Variants in WDFY3 observed in about 807,000 individuals in gnomAD.
The protein encoded by WDFY3 is WD repeat and FYVE domain containing 3.
WDFY3 carries 66 observed loss-of-function variants against 409.6 expected under a neutral mutation model. That is an observed-to-expected ratio of 0.16 (90% CI 0.13 to 0.20). The LOEUF (loss-of-function observed/expected upper bound fraction) is 0.20, where lower values mean the gene tolerates loss of function less well. Ranked by LOEUF, WDFY3 falls within the 10% of genes least tolerant of loss-of-function variation. The pLI is 1.00. For missense variants in WDFY3, 3,031 were observed against 4,298.1 expected (o/e 0.71, Z 8.24); for synonymous variants, 1,521 against 1,537.1 (o/e 0.99, Z 0.25).
At chr4:84,861,118 G>C (rs1369945102) in intron 3 of WDFY3, among the ~76,000 whole-genome samples, 3 of 152,044 alleles carry the variant, frequency 2.0e-5, no homozygotes, top group African/African-American at 7.2e-5. Flanking sequence ...GGCTGAGGTG[G>C]GAAGATAACT....
At chr4:84,715,109 A>G (rs930635879) in intron 50 of WDFY3, among the ~76,000 whole-genome samples, 189 bp downstream of exon 50, 2 of 152,174 alleles carry the variant, frequency 1.3e-5, no homozygotes, top group Admixed American at 1.3e-4. Context: ...GTATGTCACA[A>G]TAGAATTGCA....
At chr4:84,715,963 G>A (rs1733823638) in intron 49 of WDFY3, among the ~76,000 whole-genome samples, 1 of 151,300 alleles carries the variant, frequency 6.6e-6, no homozygotes, top group Non-Finnish European at 1.5e-5. Flanking sequence ...ATTATAGTAA[G>A]GATGTAATTT....
chr4:84,868,234 CT>C (rs1433967827), intron 3 of WDFY3, among the ~76,000 whole-genome samples: 4 of 133,572 alleles, frequency 3.0e-5, no homozygotes, highest in African/African-American at 8.1e-5. Flanking sequence ...TGAGGTTTTC[CT>C]TTTTCTTTCT....
intron 13 of WDFY3, among the ~76,000 whole-genome samples, chr4:84,815,590 T>G (rs1265232996): frequency 6.6e-6 from 1 of 152,186 alleles, no homozygotes; most frequent in East Asian, 1.9e-4. Flanking sequence ...ATCTCCTTTT[T>G]CTAAGAGTTT....
rs761112777 is a variant in WDFY3, at chr4:84,705,485, C to T, written c.8244G>A (p.Thr2748=). 19 of 1,613,816 alleles carry T rather than the reference C, an allele frequency of 1.2e-5. No individual in the cohort carries two copies. The highest frequency in any genetic ancestry group is 4.0e-5 in the African/African-American group (3 of 74,918). ...CCATTGGCTTAGCCAGGTTTCTAAA[C>T]GTCTTGGGATTAGTAAGATCCACCT... The part of the protein sequence containing the change: ...SEEVDLTNPK[T]FRNLAKPMGA... The change falls in exon 54 of 68, where the codon ACG becomes ACA. Residue 2748 remains threonine, a synonymous_variant. Coordinates refer to ENST00000295888, the MANE Select transcript of WDFY3 (RefSeq NM_014991.6).
chr4:84,878,824 T>G (rs1763114823), intron 3 of WDFY3, among the ~76,000 whole-genome samples: 1 of 152,160 alleles, frequency 6.6e-6, no homozygotes, highest in South Asian at 2.1e-4. Context: ...AAATGTCAAA[T>G]CCATTTAAAA....
intron 1 of WDFY3, chr4:84,965,840 C>G (rs528434597): frequency 6.6e-6 from 1 of 152,598 alleles, no homozygotes; most frequent in South Asian, 2.1e-4. Context: ...GCCGCCTACG[C>G]CCCCACTGCT....
intron 4 of WDFY3, among the ~76,000 whole-genome samples, chr4:84,857,337 T>C (rs952490160): frequency 6.6e-6 from 1 of 152,192 alleles, no homozygotes; most frequent in African/African-American, 2.4e-5. Context: ...ATTCTTCTAG[T>C]CTAGTAGACT....
rs1480261817 is a variant in WDFY3, at chr4:84,798,050, T to C, written c.2881A>G (p.Lys961Glu). 6.2e-6 allele frequency: 10 copies of C among 1,613,596 alleles called. No individual in the cohort carries two copies. The East Asian group carries it at 6.7e-5, about 11-fold the overall frequency. ...CTTGGTTTGTGGACCCTATATTGTT[T>C]TAGCAGTTTTTTGTCCCAGGCACCA... ...NCGAWDKKLL[K>E]QYRVHKPSSL... Residue 961 changes from lysine to glutamate, a missense_variant, in exon 18 of 68, where the codon AAA (lysine) becomes GAA (glutamate). By Grantham distance (56) the Lys-to-Glu change is moderately conservative. This residue lies in a region of WDFY3 where 1,322 missense variants were observed against 1,697.9 expected (regional missense o/e 0.78). Coordinates refer to ENST00000295888, the MANE Select transcript of WDFY3 (RefSeq NM_014991.6).
At chr4:84,752,195 C>G (rs114836573) in intron 35 of WDFY3, among the ~76,000 whole-genome samples, 2,443 of 151,854 alleles carry the variant, frequency 0.016, 33 homozygotes, top group Non-Finnish European at 0.027. Flanking sequence ...AACCAAGTGA[C>G]AGAGCGAGAC....
rs933264059 is a variant in WDFY3 at position 84,672,726 on chromosome 4, T to A, written c.*142A>T. 4 of 1,209,502 alleles carry A rather than the reference T, an allele frequency of 3.3e-6. No individual in the cohort carries two copies. In the East Asian group the frequency reaches 9.5e-5, roughly 29 times the overall value. The allele number at this position is 1,209,502 out of a possible 1,614,324, so 74.9% of individuals were successfully genotyped here. The stretch of plus-strand genomic sequence containing the variant: ...TGTACTCTACACCCGTTTTATTCAA[T>A]GATCCCTTTGAATTTTAACACTTCA... On this transcript the variant is annotated 3_prime_UTR_variant, in exon 68 of 68. Transcript: ENST00000295888.
At chr4:84,684,171 T>G in intron 62 of WDFY3, 46 bp from the exon 63 acceptor site, 2 of 1,458,826 alleles carry the variant, frequency 1.4e-6, no homozygotes, top group Non-Finnish European at 9.2e-7. Context: ...CCCTTCCAAT[T>G]ACCTTCTGGT....
At chr4:84,884,309 G>GT (rs536416716) in intron 3 of WDFY3, among the ~76,000 whole-genome samples, 8 of 150,638 alleles carry the variant, frequency 5.3e-5, no homozygotes, top group South Asian at 4.2e-4. Flanking sequence ...ATTGATCTAG[G>GT]TTTTTTTTTA....
intron 61 of WDFY3, 61 bp from the exon 62 acceptor site, chr4:84,688,326 C>A: frequency 6.5e-7 from 1 of 1,530,896 alleles, no homozygotes; most frequent in African/African-American, 1.4e-5. Context: ...TCCACAGTGA[C>A]TCCAGAAGCT....
At chr4:84,934,921 G>A (rs553638747) in intron 1 of WDFY3, among the ~76,000 whole-genome samples, 13 of 152,136 alleles carry the variant, frequency 8.5e-5, no homozygotes, top group South Asian at 4.1e-4. Context: ...ACAATATAGT[G>A]TTCCATTTTG....
chr4:84,829,853 G>A (rs1327012341), intron 8 of WDFY3, among the ~76,000 whole-genome samples: 5 of 67,072 alleles, frequency 7.5e-5, no homozygotes, highest in South Asian at 5.1e-4. Flanking sequence ...AAATAAATTA[G>A]AGAGACTATA....
At chr4:84,678,041 C>T in intron 66 of WDFY3, 127 bp downstream of exon 66, 1 of 400,150 alleles carries the variant, frequency 2.5e-6, no homozygotes, top group Non-Finnish European at 4.9e-6. Flanking sequence ...TCAAATTTAT[C>T]TCTTTGAGCT....
At chr4:84,946,346 T>C (rs1439399478) in intron 1 of WDFY3, among the ~76,000 whole-genome samples, 1 of 152,232 alleles carries the variant, frequency 6.6e-6, no homozygotes, top group African/African-American at 2.4e-5. Flanking sequence ...ACATTTTCTC[T>C]TTATTTCCTC....
rs1760463074 is a variant in WDFY3 at position 84,860,570 on chromosome 4, T to C, written c.22A>G (p.Met8Val). Residue 8 changes from methionine (M) to valine (V), a missense_variant, in exon 4 of 68, where the codon ATG becomes GTG. Transcript: ENST00000295888. Reference protein sequence around the residue: MNMVKRIMGRPRQEECSP... With the variant: MNMVKRIVGRPRQEECSP... The stretch of plus-strand genomic sequence containing the variant: ...CACTCCTCCTGCCTCGGCCGCCCCA[T>C]GATCCTCTTCACCATGTTCATCTTG... 1 of 1,610,592 alleles carries C rather than the reference T, an allele frequency of 6.2e-7. No homozygotes were observed. The highest frequency in any genetic ancestry group is 8.5e-7 in the Non-Finnish European group (1 of 1,177,636).
Sources: allele counts gnomAD v4.1 joint callset (sites outside exome capture counted in the v4.1 genomes callset), GRCh38; gene constraint gnomAD v4.1.1; regional missense constraint gnomAD v4.1.1; transcripts MANE v1.5; gene names NCBI Gene and HGNC (gene_info 2026-07-23, HGNC 2026-07-21).